Variants in GCM2 observed in about 807,000 individuals in gnomAD.
GCM2 encodes the protein GCM transcription factor 2.
In GCM2, 21 loss-of-function variants were observed where a neutral mutation model predicts 24.8. The ratio of observed to expected loss-of-function variants is 0.85; its 90% CI spans 0.60 to 1.22. GCM2 has a LOEUF of 1.22. GCM2 is among the 50% of genes most tolerant of loss of function. The pLI, the probability that GCM2 is intolerant of heterozygous loss-of-function variation, is 0.00. For missense variants in GCM2, 532 were observed against 645.6 expected (o/e 0.82, Z 1.91); for synonymous variants, 222 against 238.0 (o/e 0.93, Z 0.62).
Position 10,874,426 on chromosome 6 carries a change from G to C in GCM2, c.1090C>G (p.Leu364Val). The change falls in exon 5 of 5, where the codon CTT (leucine) becomes GTT (valine). Residue 364 changes from leucine (L) to valine (V), a missense_variant. Around this residue, in one of 3 missense-constraint regions of GCM2, gnomAD observed 434 missense variants for 521.9 expected, o/e 0.83. Coordinates refer to ENST00000379491, the MANE Select transcript of GCM2 (RefSeq NM_004752.4). ...MATRPYYNPE[L>V]PCRYLTTPPP... The stretch of plus-strand genomic sequence containing the variant: ...GGAGTCGTGAGGTACCTGCAGGGAA[G>C]CTCTGGGTTATAATAAGGGCGAGTG... 6.2e-7 allele frequency: 1 copy of C among 1,614,234 alleles called. No homozygotes were observed. Among genetic ancestry groups the C allele is most frequent in the Non-Finnish European group, 8.5e-7 (1 of 1,180,040 alleles).
Position 10,873,365 on chromosome 6 carries a change from A to T in GCM2, c.*630T>A, listed in dbSNP as rs886060978. 1 of 154,560 alleles carries T rather than the reference A, an allele frequency of 6.5e-6. No homozygotes were observed. Among genetic ancestry groups the T allele is most frequent in the Non-Finnish European group, 1.4e-5 (1 of 69,586 alleles). 9.6% of individuals were successfully genotyped at this position (154,560 alleles called of 1,614,324 possible). ...GAAACTATCATGTTATGAAAAGGTTATGAAAAGGTTAGGAAACTATCATGT... is the reference window on the plus strand; with the variant it reads ...GAAACTATCATGTTATGAAAAGGTTTTGAAAAGGTTAGGAAACTATCATGT... On this transcript the variant is annotated 3_prime_UTR_variant, in exon 5 of 5. Coordinates refer to ENST00000379491, the MANE Select transcript of GCM2 (RefSeq NM_004752.4).
chr6:10,876,103 C>A, intron 3 of GCM2, 87 bp from the exon 4 acceptor site: 3 of 1,341,030 alleles, frequency 2.2e-6, no homozygotes, highest in Non-Finnish European at 3.2e-6. Context: ...CCTTTCCCAA[C>A]ATCTCAAGAG....
intron 1 of GCM2, among the ~76,000 whole-genome samples, chr6:10,878,641 T>C (rs750774008): frequency 2.6e-5 from 4 of 152,186 alleles, no homozygotes; most frequent in Non-Finnish European, 5.9e-5. Context: ...TTTTATGTAA[T>C]GTTTAGGGCT....
At chr6:10,876,110 A>C in intron 3 of GCM2, 94 bp from the exon 4 acceptor site, 1 of 1,299,618 alleles carries the variant, frequency 7.7e-7, no homozygotes, top group Non-Finnish European at 1.1e-6. Flanking sequence ...CAACATCTCA[A>C]GAGTTTAGTT....
intron 4 of GCM2, among the ~76,000 whole-genome samples, 200 bp from the exon 5 acceptor site, chr6:10,875,133 A>G (rs1206746782): frequency 6.6e-6 from 1 of 152,158 alleles, no homozygotes; most frequent in Non-Finnish European, 1.5e-5. Context: ...ATAAATACCA[A>G]CGACTGAATG....
Position 10,874,093 on chromosome 6 carries a change from CT to C in GCM2, c.1422del (p.Ala475GlnfsTer56). The C allele has an allele frequency of 6.2e-7, 1 of 1,614,238 alleles. No homozygotes were observed. Among genetic ancestry groups the C allele is most frequent in the Non-Finnish European group, 8.5e-7 (1 of 1,180,046 alleles). ...PHEPVSSRTD[E>X]AETWDVCLSG... is the part of the protein sequence containing the mutation. The stretch of plus-strand genomic sequence containing the variant: ...GACAGACACACATCCCAAGTCTCTG[CT>C]TCATCTGTCCTAGAGGAAACTGGCT... On this transcript the variant is annotated frameshift_variant, in exon 5 of 5. Transcript: ENST00000379491. LOFTEE classifies it low-confidence loss of function (END_TRUNC).
chr6:10,881,605 TG>T, intron 1 of GCM2, 98 bp downstream of exon 1: 9 of 578,396 alleles, frequency 1.6e-5, no homozygotes, highest in African/African-American at 2.3e-5. Context: ...TGTGTGTGTG[TG>T]TATGGTCCGT....
Position 10,881,910 on chromosome 6 carries a change from G to T in GCM2, c.-117C>A. 1.3e-6 allele frequency: 1 copy of T among 771,760 alleles called. No homozygotes were observed. Among genetic ancestry groups the T allele is most frequent in the Non-Finnish European group, 2.2e-6 (1 of 449,630 alleles). 47.8% of individuals were successfully genotyped at this position (771,760 alleles called of 1,614,324 possible). On this transcript the variant is annotated 5_prime_UTR_variant, in exon 1 of 5. Transcript: ENST00000379491. ...AAAGAAGAAAGTGGGGTGTGTGAAG[G>T]GGAGGTGCAGAGAGAGAGAAAGAGA...
In GCM2 at chr6:10,873,404, T is replaced by C. The variant is rs1779831255; in HGVS notation, c.*591A>G. On this transcript the variant is annotated 3_prime_UTR_variant, in exon 5 of 5. Transcript: ENST00000379491. ...AAACTATCATGTTATGAAAAGCTAA[T>C]ATTGAATCTTTTAAAAACAACTGAA... 6.3e-6 allele frequency: 1 copy of C among 158,150 alleles called. No individual in the cohort carries two copies. The highest frequency in any genetic ancestry group is 6.0e-5 in the Admixed American group (1 of 16,634). 9.8% of individuals were successfully genotyped at this position (158,150 alleles called of 1,614,324 possible). A position where few individuals can be genotyped will look rare whatever the true frequency, so the allele number is the denominator to read the frequency against.
At position 10,873,926 on chromosome 6, in the gene GCM2, C is replaced by A. The variant is rs1157676612; in HGVS notation, c.*69G>T. 8.5e-7 allele frequency: 1 copy of A among 1,173,750 alleles called. No homozygotes were observed. Among genetic ancestry groups the A allele is most frequent in the Non-Finnish European group, 1.3e-6 (1 of 785,600 alleles). The allele number at this position is 1,173,750 out of a possible 1,614,324, so 72.7% of individuals were successfully genotyped here. On this transcript the variant is annotated 3_prime_UTR_variant, in exon 5 of 5. Coordinates refer to ENST00000379491, the MANE Select transcript of GCM2 (RefSeq NM_004752.4). ...TGAATCTCCCAACTCAATAAGAGAT[C>A]ATTGCCATTTCACATTTCCCTGCCT... is the stretch of plus-strand genomic sequence containing the variant.
chr6:10,873,524 CTA>C lies in GCM2; in HGVS notation c.*469_*470del, dbSNP rs1471814614. On this transcript the variant is annotated 3_prime_UTR_variant, in exon 5 of 5. Coordinates refer to ENST00000379491, the MANE Select transcript of GCM2 (RefSeq NM_004752.4). ...CTTCCTGAAGCTAGTTTAACAGGTT[CTA>C]AATGCTAAACAAAAATTTCATGAAA... 5.5e-6 allele frequency: 1 copy of C among 180,628 alleles called. No individual in the cohort carries two copies. Among genetic ancestry groups the C allele is most frequent in the African/African-American group, 2.4e-5 (1 of 41,920 alleles). The allele number at this position is 180,628 out of a possible 1,614,324, so 11.2% of individuals were successfully genotyped here.
At chr6:10,880,251 GC>G (rs1452257970) in intron 1 of GCM2, among the ~76,000 whole-genome samples, 3 of 151,098 alleles carry the variant, frequency 2.0e-5, no homozygotes, top group Non-Finnish European at 4.4e-5. Flanking sequence ...GCTAAACCCC[GC>G]CTCAAAAAAC....
At position 10,874,295 on chromosome 6, in the gene GCM2, C is replaced by T. The variant is rs989589336; in HGVS notation, c.1221G>A (p.Glu407=). The part of the protein sequence containing the change: ...PAMKYSDSVR[E]VKSLSSCNYA... ...AGTTACAGCTCGAAAGGCTCTTCAC[C>T]TCTCGCACACTGTCACTGTATTTCA... The change falls in exon 5 of 5, where the codon GAG becomes GAA. Residue 407 remains glutamate, a synonymous_variant. Transcript: ENST00000379491. 4 of 1,614,222 alleles carry T rather than the reference C, an allele frequency of 2.5e-6. No individual in the cohort carries two copies. The highest frequency in any genetic ancestry group is 1.7e-5 in the Admixed American group (1 of 60,020).
chr6:10,876,432 T>C lies in GCM2; in HGVS notation c.456+13A>G, dbSNP rs1370417390. 1.9e-6 allele frequency: 3 copies of C among 1,548,790 alleles called. No individual in the cohort carries two copies. Among genetic ancestry groups the C allele is most frequent in the Non-Finnish European group, 2.7e-6 (3 of 1,120,286 alleles). On this transcript the variant is annotated intron_variant, in intron 3 of 4. Transcript: ENST00000379491. ...AAAGTATCCATCACAAATTGTGTTC[T>C]CACCTGACCTACCTGAAAAAAGATC...
intron 1 of GCM2, 82 bp downstream of exon 1, chr6:10,881,622 G>A: frequency 1.3e-6 from 1 of 784,720 alleles, no homozygotes. Flanking sequence ...TCCGTCCGCA[G>A]ACTCTTCAAG....
At chr6:10,876,655 C>G (rs1043104142) in intron 2 of GCM2, 98 bp from the exon 3 acceptor site, 2 of 851,598 alleles carry the variant, frequency 2.3e-6, no homozygotes, top group African/African-American at 1.7e-5. Context: ...CATGCTCGGG[C>G]GCGGTGGCTC....
At chr6:10,878,376 T>G (rs1054167972) in intron 1 of GCM2, among the ~76,000 whole-genome samples, 1 of 152,156 alleles carries the variant, frequency 6.6e-6, no homozygotes, top group South Asian at 2.1e-4. Flanking sequence ...TGGAGTGTAG[T>G]AGCATGATCT....
chr6:10,874,980 G>A, intron 4 of GCM2, 47 bp from the exon 5 acceptor site: 1 of 1,287,910 alleles, frequency 7.8e-7, no homozygotes, highest in Middle Eastern at 1.8e-4. Context: ...AAATCGTGTG[G>A]ACACCCTCAC....
At chr6:10,881,575 T>G in intron 1 of GCM2, 129 bp downstream of exon 1, 1 of 607,460 alleles carries the variant, frequency 1.6e-6, no homozygotes, top group Non-Finnish European at 3.0e-6. Flanking sequence ...TGTGTGTGTG[T>G]GTGTGTGTGT....
Sources: gnomAD v4.1 joint callset for allele counts (sites outside exome capture counted in the v4.1 genomes callset) on GRCh38, gnomAD v4.1.1 for gene constraint, gnomAD v4.1.1 regional missense constraint, MANE v1.5 for transcripts, NCBI Gene and HGNC (gene_info 2026-07-23, HGNC 2026-07-21) for gene names.